The following IBA57 variants were observed in gnomAD, a reference collection of about 807,000 sequenced individuals.
IBA57 encodes the protein iron-sulfur cluster assembly factor IBA57.
A neutral mutation model predicts 20.4 loss-of-function variants in IBA57; 20 were observed. That is an observed-to-expected ratio of 0.98 (90% CI 0.69 to 1.42). IBA57 has a LOEUF of 1.42. Among genes scored for constraint, IBA57 ranks in the 40% most tolerant of loss-of-function variants. The pLI is 0.00. For missense variants in IBA57, 608 were observed against 499.3 expected (o/e 1.22, Z -2.07); for synonymous variants, 310 against 233.9 (o/e 1.33, Z -2.97).
rs779330254 is a variant in IBA57, at chr1:228,166,011, C to T, written c.195C>T (p.Asp65=). 4.6e-6 allele frequency: 7 copies of T among 1,531,826 alleles called. No homozygotes were observed. The highest frequency in any genetic ancestry group is 2.8e-5 in the African/African-American group (2 of 71,398). The allele number at this position is 1,531,826 out of a possible 1,614,324, so 94.9% of individuals were successfully genotyped here. ...GRTLLRVRGP[D]AAPFLLGLLT... is the part of the protein sequence containing the mutation. ...CCCTGCTGCGCGTGCGTGGCCCCGA[C>T]GCGGCGCCCTTCCTGCTAGGGCTGC... Residue 65 remains aspartate (D), a synonymous_variant, in exon 1 of 3, where the codon GAC becomes GAT. Coordinates refer to ENST00000366711, the MANE Select transcript of IBA57 (RefSeq NM_001010867.4).
chr1:228,175,098 G>C (rs1345804782), intron 2 of IBA57, 24 bp from the exon 3 acceptor site: 1 of 1,601,632 alleles, frequency 6.2e-7, no homozygotes, highest in Non-Finnish European at 8.5e-7. Flanking sequence ...ATTCTCGCTG[G>C]TTTCCCCCCT....
In IBA57 at chr1:228,175,018, G is replaced by A. The variant is rs753604716; in HGVS notation, c.668G>A (p.Arg223Gln). Reference sequence around the variant, plus strand: ...GACTTGTGGGATTATCACCAGCACCGATACCTGCAAGGTATGGGTGGGGTG... The same window carrying A: ...GACTTGTGGGATTATCACCAGCACCAATACCTGCAAGGTATGGGTGGGGTG... ...LGDLWDYHQH[R>Q]YLQGVPEGVR... The change falls in exon 2 of 3, where the codon CGA becomes CAA. Residue 223 changes from arginine (R) to glutamine (Q), a missense_variant. Arg to Gln is a conservative substitution (Grantham distance 43). Transcript: ENST00000366711. 1.3e-6 allele frequency: 2 copies of A among 1,552,564 alleles called. No homozygotes were observed. The highest frequency in any genetic ancestry group is 1.7e-6 in the Non-Finnish European group (2 of 1,146,216).
chr1:228,166,472 C>T (rs1478281942), intron 1 of IBA57, among the ~76,000 whole-genome samples: 4 of 152,182 alleles, frequency 2.6e-5, no homozygotes, highest in Admixed American at 2.0e-4. Flanking sequence ...CAGGGGAGGC[C>T]TGGGGGCCAG....
rs752647260 is a variant in IBA57, at chr1:228,165,975, G to A, written c.159G>A (p.Leu53=). The change falls in exon 1 of 3, where the codon CTG becomes CTA. Residue 53 remains leucine (L), a synonymous_variant. Coordinates refer to ENST00000366711, the MANE Select transcript of IBA57 (RefSeq NM_001010867.4). ...GAGCGGCCTGGGCCTGCTTCCGGCTGGACGGGCGCACCCTGCTGCGCGTGC... is the reference window on the plus strand; with the variant it reads ...GAGCGGCCTGGGCCTGCTTCCGGCTAGACGGGCGCACCCTGCTGCGCGTGC... The part of the protein sequence containing the change: ...TAGAAWACFR[L]DGRTLLRVRG... 25 of 1,517,648 alleles carry A rather than the reference G, an allele frequency of 1.6e-5. No homozygotes were observed. The African/African-American group carries it at 3.3e-4, about 20-fold the overall frequency. The allele number at this position is 1,517,648 out of a possible 1,614,324, so 94.0% of individuals were successfully genotyped here.
rs2124971926 is a variant in IBA57, at chr1:228,166,215, C to T, written c.341+58C>T. The T allele has an allele frequency of 2.9e-6, 3 of 1,020,250 alleles. No individual in the cohort carries two copies. In the South Asian group the frequency reaches 6.8e-5, roughly 23 times the overall value. The allele number at this position is 1,020,250 out of a possible 1,614,324, so 63.2% of individuals were successfully genotyped here. A position where few individuals can be genotyped will look rare whatever the true frequency, so the allele number is the denominator to read the frequency against. ...GGCACCCAGGGGAGTGGCCAGGGAC[C>T]GGCACCCAGGGACAGGGCGGGCGCC... is the stretch of plus-strand genomic sequence containing the variant. On this transcript the variant is annotated intron_variant, in intron 1 of 2. Coordinates refer to ENST00000366711, the MANE Select transcript of IBA57 (RefSeq NM_001010867.4).
chr1:228,174,961 G>A lies in IBA57; in HGVS notation c.611G>A (p.Gly204Asp). ...MGWRLLTQDE[G>D]PALVPGGRLG... ...TGGCGGCTCCTCACCCAGGATGAAG[G>A]CCCAGCCCTGGTGCCCGGGGGCCGG... is the stretch of plus-strand genomic sequence containing the variant. Residue 204 changes from glycine to aspartate, a missense_variant, in exon 2 of 3, where the codon GGC (glycine) becomes GAC (aspartate). Transcript: ENST00000366711. 6.4e-7 allele frequency: 1 copy of A among 1,565,780 alleles called. No individual in the cohort carries two copies.
Position 228,181,019 on chromosome 1 carries a change from G to A in IBA57, c.*5506G>A, listed in dbSNP as rs1447228024. 1.3e-5 allele frequency: 2 copies of A among 152,168 alleles called. No individual in the cohort carries two copies. Among genetic ancestry groups the A allele is most frequent in the East Asian group, 3.9e-4 (2 of 5,178 alleles). 9.4% of individuals were successfully genotyped at this position (152,168 alleles called of 1,614,324 possible). A position where few individuals can be genotyped will look rare whatever the true frequency, so the allele number is the denominator to read the frequency against. On this transcript the variant is annotated 3_prime_UTR_variant, in exon 3 of 3. Coordinates refer to ENST00000366711, the MANE Select transcript of IBA57 (RefSeq NM_001010867.4). ...CCAAGTAGCTGGGATTGGGGCATGA[G>A]GCACTGTGCTAACTTCATGTTGAAA...
In IBA57 at chr1:228,178,137, C is replaced by G. The variant is rs2035054888; in HGVS notation, c.*2624C>G. 6.6e-6 allele frequency: 1 copy of G among 152,280 alleles called. No individual in the cohort carries two copies. The highest frequency in any genetic ancestry group is 1.5e-5 in the Non-Finnish European group (1 of 68,090). The allele number at this position is 152,280 out of a possible 1,614,324, so 9.4% of individuals were successfully genotyped here. A position where few individuals can be genotyped will look rare whatever the true frequency, so the allele number is the denominator to read the frequency against. On this transcript the variant is annotated 3_prime_UTR_variant, in exon 3 of 3. Coordinates refer to ENST00000366711, the MANE Select transcript of IBA57 (RefSeq NM_001010867.4). ...CTCCCCTCGTTAGAGTCCCCCACAT[C>G]CGCCTTCCACTTTCTGAGCCCACAT...
At position 228,178,309 on chromosome 1, in the gene IBA57, G is replaced by A. The variant is rs1447844083; in HGVS notation, c.*2796G>A. On this transcript the variant is annotated 3_prime_UTR_variant, in exon 3 of 3. Coordinates refer to ENST00000366711, the MANE Select transcript of IBA57 (RefSeq NM_001010867.4). Reference sequence around the variant, plus strand: ...CTTTCAAAGCCAGATATGGGCGGGTGTGGTGGCTCATGCCTGTGATCCCAG... The same window carrying A: ...CTTTCAAAGCCAGATATGGGCGGGTATGGTGGCTCATGCCTGTGATCCCAG... The A allele has an allele frequency of 6.6e-6, 1 of 152,366 alleles. No homozygotes were observed. The highest frequency in any genetic ancestry group is 6.5e-5 in the Admixed American group (1 of 15,286). 9.4% of individuals were successfully genotyped at this position (152,366 alleles called of 1,614,324 possible).
In IBA57 at chr1:228,177,700, G is replaced by T. The variant is rs867625675; in HGVS notation, c.*2187G>T. ...GATGGGGTTTTACCATGTTGGCCAGGATGGTCTCAATTACAGGCATGAGCC... is the reference window on the plus strand; with the variant it reads ...GATGGGGTTTTACCATGTTGGCCAGTATGGTCTCAATTACAGGCATGAGCC... On this transcript the variant is annotated 3_prime_UTR_variant, in exon 3 of 3. Coordinates refer to ENST00000366711, the MANE Select transcript of IBA57 (RefSeq NM_001010867.4). The T allele has an allele frequency of 5.3e-5, 8 of 152,050 alleles. No homozygotes were observed. The highest frequency in any genetic ancestry group is 1.7e-4 in the African/African-American group (7 of 41,366). 9.4% of individuals were successfully genotyped at this position (152,050 alleles called of 1,614,324 possible).
intron 1 of IBA57, chr1:228,172,531 T>G (rs1272778353): frequency 6.6e-6 from 1 of 152,270 alleles, no homozygotes; most frequent in Non-Finnish European, 1.5e-5. Flanking sequence ...TGCTGAGAAG[T>G]CCCACATGGT....
At chr1:228,166,998 C>G (rs925728282) in intron 1 of IBA57, among the ~76,000 whole-genome samples, 1 of 152,314 alleles carries the variant, frequency 6.6e-6, no homozygotes, top group Admixed American at 6.5e-5. Flanking sequence ...GTGGCTTTAC[C>G]TGATATCCTG....
intron 1 of IBA57, among the ~76,000 whole-genome samples, chr1:228,169,064 C>T (rs1454171574): frequency 3.3e-5 from 5 of 152,146 alleles, no homozygotes; most frequent in African/African-American, 9.6e-5. Context: ...TCGTTGGGCA[C>T]GTTTAGTTCA....
rs764736636 is a variant in IBA57, at chr1:228,175,531, C to A, written c.*18C>A. On this transcript the variant is annotated 3_prime_UTR_variant, in exon 3 of 3. Transcript: ENST00000366711. ...CCAAGTAGTCCGAAGCCTTGGCTGG[C>A]GCAGGCTGATGGGGAGGCTGGGGCC... 1 of 1,537,984 alleles carries A rather than the reference C, an allele frequency of 6.5e-7. No homozygotes were observed. The highest frequency in any genetic ancestry group is 1.3e-5 in the South Asian group (1 of 78,858).
intron 1 of IBA57, chr1:228,171,271 C>T (rs1049051980): frequency 1.3e-5 from 2 of 152,098 alleles, no homozygotes; most frequent in African/African-American, 4.8e-5. Context: ...GGACAGCCCC[C>T]ACTATGGAGA....
At chr1:228,166,206 G>GCCAGGGACCGGCAC in intron 1 of IBA57, 49 bp downstream of exon 1, 1 of 1,198,526 alleles carries the variant, frequency 8.3e-7, no homozygotes, top group Non-Finnish European at 1.1e-6. Context: ...CAGGGGAGTG[G>GCCAGGGACCGGCAC]CCAGGGACCG....
intron 1 of IBA57, chr1:228,173,461 A>G (rs1180536788): frequency 7.9e-6 from 1 of 127,314 alleles, no homozygotes; most frequent in Non-Finnish European, 1.6e-5. Flanking sequence ...CCGTCTGGTC[A>G]GGGGTCATTC....
Position 228,175,139 on chromosome 1 carries a change from C to G in IBA57, c.697C>G (p.Arg233Gly). The G allele has an allele frequency of 1.2e-6, 2 of 1,612,418 alleles. No homozygotes were observed. The highest frequency in any genetic ancestry group is 2.7e-5 in the African/African-American group (2 of 75,012). The change falls in exon 3 of 3, where the codon CGA (arginine) becomes GGA (glycine). Residue 233 changes from arginine (R) to glycine (G), a missense_variant. Transcript: ENST00000366711. The stretch of plus-strand genomic sequence containing the variant: ...CCCTGCAGGCGTTCCTGAGGGGGTC[C>G]GAGACTTGCCTCCTGGGGTGGCCCT... ...RYLQGVPEGV[R>G]DLPPGVALPL...
Position 228,181,461 on chromosome 1 carries a change from C to T in IBA57, c.*5948C>T, listed in dbSNP as rs1018514320. On this transcript the variant is annotated 3_prime_UTR_variant, in exon 3 of 3. Transcript: ENST00000366711. ...CTCACCTGGAAGCTCTCCCACTCCTCTGGCCAGCCTGGGCATCTCCACCCA... is the reference window on the plus strand; with the variant it reads ...CTCACCTGGAAGCTCTCCCACTCCTTTGGCCAGCCTGGGCATCTCCACCCA... 1.3e-5 allele frequency: 2 copies of T among 152,352 alleles called. No homozygotes were observed. Among genetic ancestry groups the T allele is most frequent in the Non-Finnish European group, 2.9e-5 (2 of 68,130 alleles). The allele number at this position is 152,352 out of a possible 1,614,324, so 9.4% of individuals were successfully genotyped here. A position where few individuals can be genotyped will look rare whatever the true frequency, so the allele number is the denominator to read the frequency against.
Sources: allele counts gnomAD v4.1 joint callset (sites outside exome capture counted in the v4.1 genomes callset), GRCh38; gene constraint gnomAD v4.1.1; transcripts MANE v1.5; gene names NCBI Gene and HGNC (gene_info 2026-07-23, HGNC 2026-07-21).